CHCHD6: variants seen among roughly 807,000 people sequenced by gnomAD.
The protein encoded by CHCHD6 is coiled-coil-helix-coiled-coil-helix domain containing 6.
In CHCHD6, 28 loss-of-function variants were observed where a neutral mutation model predicts 32.3. That is an observed-to-expected ratio of 0.87 (90% CI 0.64 to 1.19). The LOEUF (loss-of-function observed/expected upper bound fraction) is 1.19, where lower values mean the gene tolerates loss of function less well. CHCHD6 is among the 50% of genes most tolerant of loss of function. The pLI is 0.00. For synonymous variants in CHCHD6, 122 were observed against 117.5 expected (o/e 1.04, Z -0.25); for missense variants, 333 against 307.0 (o/e 1.08, Z -0.63).
In CHCHD6 at chr3:126,960,350, A is replaced by AGTATGC. The variant is rs34158721; in HGVS notation, c.*151_*156dup. ...GGGCTGCCACGTGTTTAGGAAACAA[A>AGTATGC]GTATGCGCTACTGTCTGAAAACAAA... On this transcript the variant is annotated 3_prime_UTR_variant, in exon 8 of 8. Coordinates refer to ENST00000290913, the MANE Select transcript of CHCHD6 (RefSeq NM_032343.3). The AGTATGC allele has an allele frequency of 1.2e-6, 1 of 842,196 alleles. No homozygotes were observed. The highest frequency in any genetic ancestry group is 1.7e-5 in the African/African-American group (1 of 59,394). The allele number at this position is 842,196 out of a possible 1,614,324, so 52.2% of individuals were successfully genotyped here.
chr3:126,820,377 C>T (rs1940096079), intron 4 of CHCHD6, among the ~76,000 whole-genome samples: 2 of 152,210 alleles, frequency 1.3e-5, no homozygotes, highest in African/African-American at 4.8e-5. Flanking sequence ...TGAGGACCCT[C>T]TTCTAATCAT....
intron 6 of CHCHD6, among the ~76,000 whole-genome samples, chr3:126,956,723 A>G (rs9847497): frequency 0.13 from 19,296 of 152,130 alleles, 1,306 homozygotes; most frequent in Middle Eastern, 0.23. Flanking sequence ...TTTTTCCACA[A>G]CTTTAGAAAG....
intron 5 of CHCHD6, among the ~76,000 whole-genome samples, chr3:126,893,768 A>G (rs571506564): frequency 6.6e-6 from 1 of 152,196 alleles, no homozygotes. Flanking sequence ...TGCATTGACT[A>G]TCCTGGGTGT....
At chr3:126,830,054 C>T (rs1940571887) in intron 4 of CHCHD6, among the ~76,000 whole-genome samples, 1 of 152,300 alleles carries the variant, frequency 6.6e-6, no homozygotes, top group South Asian at 2.1e-4. Context: ...GCCGAGATCG[C>T]ACCACTGCAC....
At chr3:126,763,703 A>G (rs1937248084) in intron 4 of CHCHD6, among the ~76,000 whole-genome samples, 1 of 152,154 alleles carries the variant, frequency 6.6e-6, no homozygotes, top group South Asian at 2.1e-4. Context: ...GATTACAGTT[A>G]ACATCCAAAA....
chr3:126,826,759 T>G (rs900433795), intron 4 of CHCHD6, among the ~76,000 whole-genome samples: 16 of 152,216 alleles, frequency 1.1e-4, no homozygotes, highest in African/African-American at 3.9e-4. Context: ...CACCACACTG[T>G]GTTGACACTA....
At chr3:126,834,481 G>A (rs1322089376) in intron 4 of CHCHD6, among the ~76,000 whole-genome samples, 4 of 152,122 alleles carry the variant, frequency 2.6e-5, no homozygotes, top group Non-Finnish European at 5.9e-5. Flanking sequence ...GCCTGTGGGT[G>A]TGGAGCTGGA....
intron 4 of CHCHD6, among the ~76,000 whole-genome samples, chr3:126,735,331 C>T (rs1191244449): frequency 6.6e-6 from 1 of 152,238 alleles, no homozygotes; most frequent in African/African-American, 2.4e-5. Flanking sequence ...AACTTGATTC[C>T]CATCCCCCTC....
chr3:126,891,631 C>T (rs2077760781), intron 5 of CHCHD6, among the ~76,000 whole-genome samples: 1 of 152,114 alleles, frequency 6.6e-6, no homozygotes, highest in African/African-American at 2.4e-5. Context: ...CTGGAAGATC[C>T]ATTAGGAGGT....
At chr3:126,927,534 C>G (rs1415783865) in intron 6 of CHCHD6, among the ~76,000 whole-genome samples, 3 of 152,180 alleles carry the variant, frequency 2.0e-5, no homozygotes, top group Non-Finnish European at 4.4e-5. Flanking sequence ...GCTCAGAGAT[C>G]CATGACTCAA....
chr3:126,797,345 A>C (rs993571142), intron 4 of CHCHD6, among the ~76,000 whole-genome samples: 4 of 152,216 alleles, frequency 2.6e-5, no homozygotes, highest in Non-Finnish European at 5.9e-5. Flanking sequence ...GGAGCAGGGC[A>C]AGAAACTAGA....
At position 126,957,442 on chromosome 3, in the gene CHCHD6, C is replaced by A. The variant is rs765366580; in HGVS notation, c.593C>A (p.Ser198Ter). ...CCCCGCAGGGTGGAGCCCGTCTGCT[C>A]AGGGTTGCAGGCCCAGATTCTCCAC... Reference protein sequence around the residue: ...IKPRRVEPVCSGLQAQILHCY... With the variant: ...IKPRRVEPVC The change falls in exon 7 of 8, where the codon TCA becomes TAA. Residue 198 changes from serine (S) to a stop codon, truncating the protein, a stop_gained. Transcript: ENST00000290913. LOFTEE classifies it high-confidence loss of function. 2.5e-6 allele frequency: 4 copies of A among 1,611,444 alleles called. No homozygotes were observed. Among genetic ancestry groups the A allele is most frequent in the Non-Finnish European group, 3.4e-6 (4 of 1,179,194 alleles).
intron 1 of CHCHD6, among the ~76,000 whole-genome samples, chr3:126,724,857 CA>C (rs773977581): frequency 7.2e-5 from 11 of 152,212 alleles, no homozygotes; most frequent in Admixed American, 2.6e-4. Context: ...CCATAAGAAG[CA>C]ACTCCTCATC....
At chr3:126,789,056 T>C (rs1030413534) in intron 4 of CHCHD6, among the ~76,000 whole-genome samples, 14 of 152,234 alleles carry the variant, frequency 9.2e-5, no homozygotes, top group African/African-American at 3.4e-4. Context: ...GACATCTTTA[T>C]TTCTGCCTTC....
chr3:126,821,758 A>G (rs1940166251), intron 4 of CHCHD6, among the ~76,000 whole-genome samples: 1 of 152,182 alleles, frequency 6.6e-6, no homozygotes, highest in African/African-American at 2.4e-5. Context: ...CTGTTTGATT[A>G]TAACTATTGT....
At chr3:126,945,221 G>A (rs961223573) in intron 6 of CHCHD6, among the ~76,000 whole-genome samples, 10 of 151,990 alleles carry the variant, frequency 6.6e-5, no homozygotes, top group Admixed American at 5.9e-4. Context: ...GTGCTTGTGT[G>A]GAGCTGGCCA....
intron 6 of CHCHD6, among the ~76,000 whole-genome samples, chr3:126,946,182 C>G (rs935436515): frequency 6.6e-6 from 1 of 152,154 alleles, no homozygotes; most frequent in Non-Finnish European, 1.5e-5. Context: ...CAGCCACAGG[C>G]GGGCTGGAAG....
At chr3:126,899,623 A>G (rs866614683) in intron 5 of CHCHD6, among the ~76,000 whole-genome samples, 2 of 152,298 alleles carry the variant, frequency 1.3e-5, no homozygotes, top group Middle Eastern at 3.4e-3. Context: ...AGAAGACAGA[A>G]GTTTGGGGAC....
intron 1 of CHCHD6, among the ~76,000 whole-genome samples, chr3:126,719,850 C>T (rs116789465): frequency 0.031 from 4,707 of 152,148 alleles, 98 homozygotes; most frequent in Non-Finnish European, 0.04. Context: ...GCTTCCTCTG[C>T]TCCTTGCCTG....
Sources: allele counts gnomAD v4.1 joint callset (sites outside exome capture counted in the v4.1 genomes callset), GRCh38; gene constraint gnomAD v4.1.1; transcripts MANE v1.5; gene names NCBI Gene and HGNC (gene_info 2026-07-23, HGNC 2026-07-21).